LUZP2: variants seen among roughly 807,000 people sequenced by gnomAD.
LUZP2 encodes the protein leucine zipper protein 2.
LUZP2 carries 52 observed loss-of-function variants against 51.6 expected under a neutral mutation model. That is an observed-to-expected ratio of 1.01 (90% CI 0.81 to 1.27). The LOEUF (loss-of-function observed/expected upper bound fraction) is 1.27. Ranked by LOEUF, LUZP2 falls within the 50% of genes most tolerant of loss-of-function variation. The pLI, the probability that LUZP2 is intolerant of heterozygous loss-of-function variation, is 0.00. For synonymous variants in LUZP2, 154 were observed against 137.3 expected (o/e 1.12, Z -0.85); for missense variants, 436 against 395.4 (o/e 1.10, Z -0.87).
At chr11:24,860,400 G>A (rs1041048971) in intron 5 of LUZP2, among the ~76,000 whole-genome samples, 1 of 152,160 alleles carries the variant, frequency 6.6e-6, no homozygotes, top group African/African-American at 2.4e-5. Context: ...GCCCAGATGA[G>A]TGGGTTTTCC....
intron 4 of LUZP2, chr11:24,751,601 T>G: frequency 1.0e-6 from 1 of 982,318 alleles, no homozygotes; most frequent in Non-Finnish European, 1.2e-6. Context: ...CTAAGAGCAT[T>G]CTATGCTTTC....
chr11:24,786,190 T>G (rs1849240516), intron 5 of LUZP2: 1 of 965,736 alleles, frequency 1.0e-6, no homozygotes, highest in Non-Finnish European at 1.2e-6. Context: ...AGAAGCATAT[T>G]ATATATTTTA....
At chr11:24,928,344 C>T (rs1322757534) in intron 7 of LUZP2, among the ~76,000 whole-genome samples, 1 of 151,696 alleles carries the variant, frequency 6.6e-6, no homozygotes, top group Non-Finnish European at 1.5e-5. Flanking sequence ...TCAACTTCTC[C>T]TTGTTTAGTA....
intron 1 of LUZP2, among the ~76,000 whole-genome samples, chr11:24,513,791 G>C (rs1850382638): frequency 6.6e-6 from 1 of 152,164 alleles, no homozygotes; most frequent in South Asian, 2.1e-4. Context: ...TACTCTTCTG[G>C]AAGATCACCA....
intron 5 of LUZP2, among the ~76,000 whole-genome samples, chr11:24,790,898 T>C (rs1005595138): frequency 2.0e-5 from 3 of 152,220 alleles, no homozygotes; most frequent in South Asian, 2.1e-4. Flanking sequence ...CTCTCACTTT[T>C]CCATTTATGC....
chr11:24,555,861 C>A (rs1164605402), intron 1 of LUZP2, among the ~76,000 whole-genome samples: 1 of 152,096 alleles, frequency 6.6e-6, no homozygotes, highest in African/African-American at 2.4e-5. Flanking sequence ...CGCCTGTAGT[C>A]CCAGCTACTC....
chr11:24,653,199 G>T (rs1855686959), intron 1 of LUZP2, among the ~76,000 whole-genome samples: 1 of 152,104 alleles, frequency 6.6e-6, no homozygotes, highest in African/African-American at 2.4e-5. Context: ...AATAGATGAT[G>T]TTGTCCTGGT....
intron 1 of LUZP2, among the ~76,000 whole-genome samples, chr11:24,591,178 G>A (rs370614389): frequency 5.3e-4 from 80 of 152,156 alleles, no homozygotes; most frequent in Middle Eastern, 3.4e-3. Context: ...ATAATTGTCC[G>A]TGTTGCAATA....
chr11:24,765,819 G>A (rs962128454), intron 5 of LUZP2, among the ~76,000 whole-genome samples: 1 of 151,782 alleles, frequency 6.6e-6, no homozygotes, highest in African/African-American at 2.4e-5. Flanking sequence ...ATGAAGACAG[G>A]GTTTCACTGT....
chr11:24,568,665 G>A (rs1858155), intron 1 of LUZP2, among the ~76,000 whole-genome samples: 346 of 151,698 alleles, frequency 2.3e-3, no homozygotes, highest in Non-Finnish European at 3.4e-3. Flanking sequence ...AGGACGAAAA[G>A]TATTACTCAA....
At chr11:24,941,734 T>C (rs544807593) in intron 7 of LUZP2, among the ~76,000 whole-genome samples, 7 of 152,184 alleles carry the variant, frequency 4.6e-5, no homozygotes, top group Non-Finnish European at 1.0e-4. Flanking sequence ...TTAAATTTAA[T>C]GTATTTAAAA....
intron 5 of LUZP2, among the ~76,000 whole-genome samples, chr11:24,833,505 A>T (rs1023733931): frequency 1.3e-5 from 2 of 152,154 alleles, no homozygotes; most frequent in Admixed American, 6.6e-5. Flanking sequence ...TACAAGTTGG[A>T]CATACCCAGG....
In LUZP2 at chr11:24,497,157, G is replaced by C; in HGVS notation, c.-87G>C. ...CGGAAGAGCGCTCATCACTGGCTGG[G>C]GACAGAGCCGGGCACCAAGGAGCGA... On this transcript the variant is annotated 5_prime_UTR_variant, in exon 1 of 12. Transcript: ENST00000336930. 1 of 1,259,074 alleles carries C rather than the reference G, an allele frequency of 7.9e-7. No homozygotes were observed. The highest frequency in any genetic ancestry group is 1.1e-6 in the Non-Finnish European group (1 of 923,634). 78.0% of individuals were successfully genotyped at this position (1,259,074 alleles called of 1,614,324 possible).
chr11:24,504,435 C>G (rs1590111671), intron 1 of LUZP2, among the ~76,000 whole-genome samples: 2 of 152,132 alleles, frequency 1.3e-5, no homozygotes, highest in South Asian at 2.1e-4. Context: ...GAATATTCCA[C>G]CTGCACATGT....
chr11:24,875,407 C>G, intron 5 of LUZP2, among the ~76,000 whole-genome samples: 1 of 145,854 alleles, frequency 6.9e-6, no homozygotes, highest in Non-Finnish European at 1.5e-5. Flanking sequence ...CCAATTTCAT[C>G]CATGTCCCTA....
chr11:24,591,715 A>G (rs1853268363), intron 1 of LUZP2, among the ~76,000 whole-genome samples: 1 of 152,206 alleles, frequency 6.6e-6, no homozygotes, highest in Non-Finnish European at 1.5e-5. Context: ...TTGCCATCTG[A>G]AAAATTGTGA....
chr11:24,598,100 CA>C (rs200140320), intron 1 of LUZP2, among the ~76,000 whole-genome samples: 5,336 of 100,234 alleles, frequency 0.053, 272 homozygotes, highest in African/African-American at 0.16. Flanking sequence ...GACTCTGTCT[CA>C]AAAAAAAAAA....
At chr11:24,504,167 A>C (rs561162943) in intron 1 of LUZP2, among the ~76,000 whole-genome samples, 1 of 152,306 alleles carries the variant, frequency 6.6e-6, no homozygotes, top group Non-Finnish European at 1.5e-5. Flanking sequence ...TTCCATTGAA[A>C]GTATTTCCTG....
intron 7 of LUZP2, among the ~76,000 whole-genome samples, chr11:24,935,976 T>C (rs1187630363): frequency 6.6e-6 from 1 of 152,212 alleles, no homozygotes; most frequent in African/African-American, 2.4e-5. Flanking sequence ...GTTCCCTTTT[T>C]GTCGTGAATG....
Sources: allele counts gnomAD v4.1 joint callset (sites outside exome capture counted in the v4.1 genomes callset), GRCh38; gene constraint gnomAD v4.1.1; transcripts MANE v1.5; gene names NCBI Gene and HGNC (gene_info 2026-07-23, HGNC 2026-07-21).